Variants in ANK2 observed in about 807,000 individuals in gnomAD.
The protein encoded by ANK2 is ankyrin 2, also known as ankyrin-2.
Under a neutral mutation model 360.5 loss-of-function variants are expected in ANK2, and 83 were observed. The ratio of observed to expected loss-of-function variants is 0.23; its 90% CI spans 0.19 to 0.28. The LOEUF (loss-of-function observed/expected upper bound fraction) is 0.28, where lower values mean the gene tolerates loss of function less well. Ranked by LOEUF, ANK2 falls within the 10% of genes least tolerant of loss-of-function variation. ANK2 has a pLI of 1.00. For synonymous variants in ANK2, 1,740 were observed against 1,759.5 expected, an observed-to-expected ratio of 0.99 and a Z score of 0.28; for missense variants, 4,201 against 4,795.7, an observed-to-expected ratio of 0.88 and a Z score of 3.66.
At chr4:113,102,348 G>C (rs966057619) in intron 1 of ANK2, among the ~76,000 whole-genome samples, 2 of 151,970 alleles carry the variant, frequency 1.3e-5, no homozygotes, top group African/African-American at 4.8e-5. Flanking sequence ...ACATTTCGGG[G>C]GAAAAAATCC....
chr4:113,183,446 G>T (rs2098455288), intron 2 of ANK2, among the ~76,000 whole-genome samples: 1 of 152,098 alleles, frequency 6.6e-6, no homozygotes, highest in Admixed American at 6.6e-5. Flanking sequence ...CCAGGAATGT[G>T]GTTTAGCTAA....
chr4:112,818,676 C>G (rs996847848), intron 1 of ANK2, among the ~76,000 whole-genome samples: 11 of 152,052 alleles, frequency 7.2e-5, no homozygotes, highest in Non-Finnish European at 1.5e-5. Context: ...GTGTCTGTGC[C>G]GGAGAAAGTG....
chr4:112,827,626 A>C (rs1358284110), intron 1 of ANK2: 1 of 829,438 alleles, frequency 1.2e-6, no homozygotes, highest in African/African-American at 1.7e-5. Flanking sequence ...CTCTCCATCC[A>C]GATCCTTGCA....
At chr4:113,300,886 AG>A (rs768960410) in intron 22 of ANK2, among the ~76,000 whole-genome samples, 54 of 152,214 alleles carry the variant, frequency 3.5e-4, no homozygotes, top group South Asian at 4.1e-4. Flanking sequence ...GCCACCAAAA[AG>A]CTCATGCAGT....
chr4:113,268,675 T>C (rs574899066), intron 14 of ANK2, among the ~76,000 whole-genome samples: 41 of 152,324 alleles, frequency 2.7e-4, no homozygotes, highest in African/African-American at 9.1e-4. Flanking sequence ...GATTTTCGCA[T>C]TGATGTTCAT....
intron 22 of ANK2, among the ~76,000 whole-genome samples, chr4:113,295,189 T>C (rs955412626): frequency 6.6e-6 from 1 of 152,210 alleles, no homozygotes; most frequent in Admixed American, 6.5e-5. Flanking sequence ...ATATAAAATA[T>C]GTGCTAAGTT....
At chr4:112,863,733 A>G (rs747465731) in intron 1 of ANK2, among the ~76,000 whole-genome samples, 22 of 151,976 alleles carry the variant, frequency 1.4e-4, no homozygotes, top group African/African-American at 5.3e-4. Flanking sequence ...CGTGTTAGCC[A>G]GGATAGTCTC....
intron 1 of ANK2, among the ~76,000 whole-genome samples, chr4:113,168,191 A>G (rs569910179): frequency 1.3e-5 from 2 of 152,342 alleles, no homozygotes; most frequent in Non-Finnish European, 2.9e-5. Flanking sequence ...ACTAAGTTAA[A>G]GGAAAAATTG....
chr4:113,269,108 G>A (rs2057435751), intron 14 of ANK2, among the ~76,000 whole-genome samples: 1 of 152,068 alleles, frequency 6.6e-6, no homozygotes, highest in African/African-American at 2.4e-5. Context: ...CCTCTGTAAT[G>A]GCGGACGCCC....
intron 18 of ANK2, among the ~76,000 whole-genome samples, chr4:113,283,549 C>T (rs1325855549): frequency 6.6e-6 from 1 of 151,802 alleles, no homozygotes; most frequent in East Asian, 1.9e-4. Flanking sequence ...CAATGGCAGT[C>T]AAAGATATAA....
At chr4:113,083,301 C>A (rs2083161901) in intron 1 of ANK2, among the ~76,000 whole-genome samples, 1 of 152,036 alleles carries the variant, frequency 6.6e-6, no homozygotes, top group African/African-American at 2.4e-5. Context: ...GCCTTAGCCT[C>A]CCTGAGTAGC....
chr4:113,206,164 T>C (rs1335907410), intron 4 of ANK2, among the ~76,000 whole-genome samples: 1 of 152,304 alleles, frequency 6.6e-6, no homozygotes, highest in East Asian at 1.9e-4. Context: ...ACATGTGCCA[T>C]GGTGGTTTGC....
At chr4:112,897,177 C>T (rs2082018078) in intron 1 of ANK2, among the ~76,000 whole-genome samples, 1 of 152,102 alleles carries the variant, frequency 6.6e-6, no homozygotes, top group Non-Finnish European at 1.5e-5. Context: ...AAACTAAAAC[C>T]ATGGCTCTCT....
intron 21 of ANK2, chr4:113,292,882 G>C (rs1302872334): frequency 5.4e-6 from 2 of 372,764 alleles, no homozygotes; most frequent in Non-Finnish European, 1.0e-5. Context: ...AGCTCATTGA[G>C]TTGTGGAGCC....
chr4:113,121,781 G>A (rs1562222232), intron 1 of ANK2, among the ~76,000 whole-genome samples: 1 of 151,958 alleles, frequency 6.6e-6, no homozygotes, highest in Non-Finnish European at 1.5e-5. Flanking sequence ...GTTCTGATTA[G>A]TTATTTGCTT....
In ANK2 at chr4:113,355,205, G is replaced by T. The variant is rs969552950; in HGVS notation, c.6587G>T (p.Gly2196Val). 8.7e-6 allele frequency: 14 copies of T among 1,614,098 alleles called. No individual in the cohort carries two copies. Among genetic ancestry groups the T allele is most frequent in the Non-Finnish European group, 1.1e-5 (13 of 1,179,974 alleles). Reference protein sequence around the residue: ...EFLPALSLQSGALDGSSESLK... With the variant: ...EFLPALSLQSVALDGSSESLK... The stretch of plus-strand genomic sequence containing the variant: ...CTTCCAGCTCTGTCTTTACAAAGCG[G>T]TGCTTTAGATGGCAGTTCTGAAAGC... Residue 2196 changes from glycine (G) to valine (V), a missense_variant, in exon 38 of 46, where the codon GGT becomes GTT. Around this residue, in one of 4 missense-constraint regions of ANK2, gnomAD observed 2,642 missense variants for 2,714.5 expected, o/e 0.97. Coordinates refer to ENST00000357077, the MANE Select transcript of ANK2 (RefSeq NM_001148.6).
At chr4:113,315,312 T>C (rs1019244042) in intron 24 of ANK2, among the ~76,000 whole-genome samples, 1 of 152,196 alleles carries the variant, frequency 6.6e-6, no homozygotes, top group Non-Finnish European at 1.5e-5. Flanking sequence ...TACTTAGCCA[T>C]AGTCACTCCT....
intron 1 of ANK2, among the ~76,000 whole-genome samples, chr4:113,101,475 A>G (rs983445425): frequency 6.6e-6 from 1 of 152,180 alleles, no homozygotes; most frequent in African/African-American, 2.4e-5. Context: ...CTCTAAAGAT[A>G]CATAACTTTA....
chr4:113,259,724 A>G (rs1045871156), intron 13 of ANK2, among the ~76,000 whole-genome samples: 2 of 151,842 alleles, frequency 1.3e-5, no homozygotes, highest in African/African-American at 4.8e-5. Context: ...ATGTGCCAAC[A>G]TAAGTTTAAT....
Sources: allele counts gnomAD v4.1 joint callset (sites outside exome capture counted in the v4.1 genomes callset), GRCh38; gene constraint gnomAD v4.1.1; regional missense constraint gnomAD v4.1.1; transcripts MANE v1.5; gene names NCBI Gene and HGNC (gene_info 2026-07-23, HGNC 2026-07-21).